ZNF185: variants seen among roughly 807,000 people sequenced by gnomAD.
ZNF185 encodes zinc finger protein 185 with LIM domain, also known as zinc finger protein 185.
Under a neutral mutation model 58.6 loss-of-function variants are expected in ZNF185, and 56 were observed. The ratio of observed to expected loss-of-function variants is 0.95; its 90% CI spans 0.77 to 1.19. The LOEUF (loss-of-function observed/expected upper bound fraction) is 1.19. Among genes scored for constraint, ZNF185 ranks in the 50% most tolerant of loss-of-function variants. The probability of loss-of-function intolerance (pLI) is 0.00; values close to 1 mark genes in which losing one functional copy is unlikely to be tolerated. For missense variants in ZNF185, 627 were observed against 573.5 expected (o/e 1.09, Z -0.95); for synonymous variants, 230 against 215.9 (o/e 1.07, Z -0.57).
In ZNF185 at chrX:152,955,887, C is replaced by T. The variant is rs996680383; in HGVS notation, c.1410-3812C>T. On this transcript the variant is annotated intron_variant, in intron 16 of 22. Transcript: ENST00000449285. Reference sequence around the variant, plus strand: ...ACTGCACTCCAGCCTGGTGACAGAGCGAGACTCCACCTAAAAAAAAAAAAA... The same window carrying T: ...ACTGCACTCCAGCCTGGTGACAGAGTGAGACTCCACCTAAAAAAAAAAAAA... Among the ~76,000 whole-genome samples the T allele has an allele frequency of 3.8e-5, 4 of 104,939 alleles. No homozygotes were observed. In the East Asian group the frequency reaches 8.8e-4, roughly 23 times the overall value. 91.1% of individuals were successfully genotyped at this position (104,939 alleles called of 115,157 possible).
At chrX:152,926,956 C>A (rs1182250348) in intron 11 of ZNF185, among the ~76,000 whole-genome samples, 1 of 112,316 alleles carries the variant, frequency 8.9e-6, no homozygotes, top group Non-Finnish European at 1.9e-5. Flanking sequence ...TCCTGGCTTG[C>A]GCCCGCCTCA....
upstream of ZNF185, among the ~76,000 whole-genome samples, chrX:152,909,639 G>A (rs1168647839): frequency 8.9e-6 from 1 of 112,548 alleles, no homozygotes; most frequent in Non-Finnish European, 1.9e-5. Context: ...TCTGGCATCC[G>A]GCCCGAAACA....
At chrX:152,921,576 G>A (rs1939732618) in intron 9 of ZNF185, among the ~76,000 whole-genome samples, 2 of 111,424 alleles carry the variant, frequency 1.8e-5, no homozygotes, top group Admixed American at 1.9e-4. Flanking sequence ...TGTGGTTTCT[G>A]TAACGCAGTA....
the ZNF185 span, among the ~76,000 whole-genome samples, chrX:152,898,900 C>T: frequency 1.8e-5 from 2 of 112,446 alleles, no homozygotes. Flanking sequence ...GATACCTTGC[C>T]TTACAAAAAG....
intron 11 of ZNF185, among the ~76,000 whole-genome samples, chrX:152,926,336 T>C (rs1940855676): frequency 8.9e-6 from 1 of 112,649 alleles, no homozygotes; most frequent in South Asian, 3.7e-4. Flanking sequence ...CCACAGTGCC[T>C]GGGTGCTGGT....
At chrX:152,938,245 A>G in intron 15 of ZNF185, 82 bp downstream of exon 17, 1 of 984,375 alleles carries the variant, frequency 1.0e-6, no homozygotes, top group Non-Finnish European at 1.4e-6. Context: ...TTTGGCTGGG[A>G]AGGTGAGGCC....
the ZNF185 span, among the ~76,000 whole-genome samples, chrX:152,909,313 G>A: frequency 1.8e-5 from 2 of 111,614 alleles, no homozygotes; most frequent in South Asian, 3.7e-4. Flanking sequence ...CATAGGCATC[G>A]CATGTCCACA....
intron 16 of ZNF185, among the ~76,000 whole-genome samples, chrX:152,959,127 A>C (rs1290665155): frequency 8.9e-6 from 1 of 112,560 alleles, no homozygotes; most frequent in East Asian, 2.8e-4. Flanking sequence ...CGCCTAAGAA[A>C]TTTTGGATTC....
the ZNF185 span, among the ~76,000 whole-genome samples, chrX:152,906,100 G>C: frequency 2.7e-5 from 3 of 112,690 alleles, no homozygotes; most frequent in East Asian, 8.4e-4. Flanking sequence ...AGGGGAGAAA[G>C]GATTTGCCCA....
intron 9 of ZNF185, among the ~76,000 whole-genome samples, chrX:152,921,062 C>T (rs782531062): frequency 8.9e-6 from 1 of 112,739 alleles, no homozygotes; most frequent in South Asian, 3.6e-4. Context: ...TGCCTGATGC[C>T]TTGCCTTCTG....
intron 17 of ZNF185, among the ~76,000 whole-genome samples, chrX:152,960,925 T>C (rs1349747942): frequency 8.9e-6 from 1 of 112,364 alleles, no homozygotes; most frequent in African/African-American, 3.2e-5. Flanking sequence ...CAGAATTTTC[T>C]GGCTCTCACA....
At chrX:152,916,710 C>T (rs782621159) in intron 3 of ZNF185, among the ~76,000 whole-genome samples, 3 of 112,769 alleles carry the variant, frequency 2.7e-5, no homozygotes, top group South Asian at 3.7e-4. Context: ...GGTCAGACCC[C>T]GGGCTGAGGG....
chrX:152,942,796 G>C (rs782107908), intron 15 of ZNF185, among the ~76,000 whole-genome samples: 3 of 111,447 alleles, frequency 2.7e-5, no homozygotes, highest in Non-Finnish European at 5.6e-5. Context: ...TTGGCCAGTG[G>C]AGGCAGTACA....
chrX:152,935,883 A>T (rs968319584), intron 14 of ZNF185, among the ~76,000 whole-genome samples: 8 of 111,949 alleles, frequency 7.1e-5, no homozygotes, highest in Non-Finnish European at 1.5e-4. Flanking sequence ...GTTTACAGAG[A>T]CACAGAGAAT....
intron 12 of ZNF185, among the ~76,000 whole-genome samples, chrX:152,929,002 C>T (rs143552772): frequency 0.013 from 1,457 of 112,077 alleles, 26 homozygotes; most frequent in African/African-American, 0.043. Context: ...GTGCCAGGAG[C>T]CCCTGGGAAG....
At chrX:152,945,016 C>T (rs781955933) in intron 15 of ZNF185, among the ~76,000 whole-genome samples, 5 of 111,989 alleles carry the variant, frequency 4.5e-5, no homozygotes, top group South Asian at 3.7e-4. Flanking sequence ...ATAAAAACAT[C>T]GGAGGCTTCG....
the ZNF185 span, among the ~76,000 whole-genome samples, chrX:152,903,763 C>T: frequency 1.8e-5 from 2 of 111,589 alleles, no homozygotes; most frequent in African/African-American, 6.5e-5. Context: ...TCTCTGAGAA[C>T]GAGAAAATGG....
Position 152,932,870 on chromosome X carries a change from C to A in ZNF185, c.1023-3C>A. On this transcript the variant is annotated splice_polypyrimidine_tract_variant and splice_region_variant and intron_variant, in intron 13 of 22. Transcript: ENST00000449285. ...TCAGCAAATACTCCACTTCTCATAA[C>A]AGGTCAAGTGCACAGTTGAGTGATG... The A allele has an allele frequency of 8.4e-7, 1 of 1,192,249 alleles. No individual in the cohort carries two copies. The highest frequency in any genetic ancestry group is 1.1e-6 in the Non-Finnish European group (1 of 881,367).
At chrX:152,947,554 G>A (rs1353343651) in intron 16 of ZNF185, among the ~76,000 whole-genome samples, 1 of 111,798 alleles carries the variant, frequency 8.9e-6, no homozygotes, top group Non-Finnish European at 1.9e-5. Flanking sequence ...AGGTCACTGG[G>A]CCATGCCGAA....
Sources: gnomAD v4.1 joint callset for allele counts (sites outside exome capture counted in the v4.1 genomes callset) on GRCh38, gnomAD v4.1.1 for gene constraint, MANE v1.5 for transcripts, NCBI Gene and HGNC (gene_info 2026-07-23, HGNC 2026-07-21) for gene names.